The following ETFA variants were observed in gnomAD, a reference collection of about 807,000 sequenced individuals.
ETFA encodes the protein electron transfer flavoprotein subunit alpha, mitochondrial.
A neutral mutation model predicts 46.2 loss-of-function variants in ETFA; 22 were observed. The ratio of observed to expected loss-of-function variants is 0.48; its 90% CI spans 0.34 to 0.68. The LOEUF (loss-of-function observed/expected upper bound fraction) is 0.68, where lower values mean the gene tolerates loss of function less well. Ranked by LOEUF, ETFA falls within the 30% of genes least tolerant of loss-of-function variation. The probability of loss-of-function intolerance (pLI) is 0.01; values close to 1 mark genes in which losing one functional copy is unlikely to be tolerated. For synonymous variants in ETFA, 131 were observed against 139.9 expected (o/e 0.94, Z 0.45); for missense variants, 345 against 401.1 (o/e 0.86, Z 1.19).
intron 8 of ETFA, among the ~76,000 whole-genome samples, chr15:76,276,742 A>G (rs1398137724): frequency 2.0e-5 from 3 of 152,186 alleles, no homozygotes; most frequent in Non-Finnish European, 4.4e-5. Context: ...CAGTCTACTA[A>G]GAAGTCCTTA....
intron 9 of ETFA, among the ~76,000 whole-genome samples, chr15:76,251,530 A>C (rs1006548142): frequency 5.3e-5 from 8 of 152,194 alleles, no homozygotes; most frequent in African/African-American, 1.9e-4. Context: ...ATTTGTAGAG[A>C]TCTGGGGCTA....
At chr15:76,283,910 A>C in intron 7 of ETFA, 85 bp from the exon 8 acceptor site, 4 of 919,022 alleles carry the variant, frequency 4.4e-6, no homozygotes, top group South Asian at 4.3e-5. Context: ...ACTGGAGTAA[A>C]TTTTCATATT....
intron 8 of ETFA, among the ~76,000 whole-genome samples, chr15:76,278,809 C>T (rs546484781): frequency 1.3e-5 from 2 of 152,202 alleles, no homozygotes; most frequent in Non-Finnish European, 2.9e-5. Flanking sequence ...TACCCACCAC[C>T]TGCAGCTATG....
intron 9 of ETFA, among the ~76,000 whole-genome samples, chr15:76,255,565 CATGAAT>C (rs1414424952): frequency 1.3e-5 from 2 of 152,172 alleles, no homozygotes; most frequent in South Asian, 2.1e-4. Context: ...TAGCTGTAAA[CATGAAT>C]ATGAAGATAA....
rs2038904165 is a variant in ETFA at position 76,217,056 on chromosome 15, A to T, written c.964-459T>A. Among the ~76,000 whole-genome samples the T allele has an allele frequency of 5.9e-5, 9 of 151,844 alleles. No individual in the cohort carries two copies. The South Asian group carries it at 1.9e-3, about 32-fold the overall frequency. On this transcript the variant is annotated intron_variant, in intron 11 of 11. Transcript: ENST00000557943. Reference sequence around the variant, plus strand: ...AGTCTCGAACTCCTGGGCTCAAGTGATCTGCCTGCCTCAGCCTCCCAAAGT... The same window carrying T: ...AGTCTCGAACTCCTGGGCTCAAGTGTTCTGCCTGCCTCAGCCTCCCAAAGT...
intron 5 of ETFA, among the ~76,000 whole-genome samples, chr15:76,287,099 C>G (rs991595342): frequency 1.3e-5 from 2 of 152,220 alleles, no homozygotes; most frequent in Non-Finnish European, 2.9e-5. Flanking sequence ...AGTTCACTGC[C>G]TTCTCCGACC....
chr15:76,279,735 T>A (rs931270220), intron 8 of ETFA, among the ~76,000 whole-genome samples: 11 of 151,910 alleles, frequency 7.2e-5, no homozygotes, highest in African/African-American at 2.7e-4. Flanking sequence ...AGTTGATCAA[T>A]TTTTTCCCCC....
chr15:76,229,839 G>A (rs560863474), intron 10 of ETFA, among the ~76,000 whole-genome samples: 1 of 152,284 alleles, frequency 6.6e-6, no homozygotes, highest in South Asian at 2.1e-4. Context: ...ATAAATGCAG[G>A]AATGTCAGAG....
At chr15:76,230,542 G>T (rs544579388) in intron 10 of ETFA, 1 of 63,136 alleles carries the variant, frequency 1.6e-5, no homozygotes, top group Non-Finnish European at 3.1e-5. Flanking sequence ...TCCGCCTCCC[G>T]GTTCACGCCA....
rs1803553 is a variant in ETFA, at chr15:76,274,456, G to T, written c.772C>A (p.Pro258Thr). Residue 258 changes from proline to threonine, a missense_variant, in exon 9 of 12, where the codon CCC becomes ACC. Coordinates refer to ENST00000557943, the MANE Select transcript of ETFA (RefSeq NM_000126.4). ...SRAAVDAGFV[P>T]NDMQVGQTGK... ...GTCTGTCCAACTTGCATGTCATTGG[G>T]AACAAAGCCAGCATCAACAGCAGCA... 1 of 1,611,378 alleles carries T rather than the reference G, an allele frequency of 6.2e-7. No individual in the cohort carries two copies. The highest frequency in any genetic ancestry group is 1.7e-5 in the Admixed American group (1 of 59,804).
In ETFA at chr15:76,292,487, T is replaced by G; in HGVS notation, c.295A>C (p.Thr99Pro). 1.9e-6 allele frequency: 3 copies of G among 1,613,900 alleles called. No individual in the cohort carries two copies. The highest frequency in any genetic ancestry group is 2.5e-6 in the Non-Finnish European group (3 of 1,179,750). ...TGTGTGTAATTGAACTGCTTCTGAG[T>G]TGCCAAAATCAATGGTGTCAGTTCC... ...PEELTPLILA[T>P]QKQFNYTHIC... The change falls in exon 4 of 12, where the codon ACT (threonine) becomes CCT (proline). Residue 99 changes from threonine to proline, a missense_variant. Coordinates refer to ENST00000557943, the MANE Select transcript of ETFA (RefSeq NM_000126.4).
At chr15:76,235,758 T>C (rs1441679666) in intron 9 of ETFA, among the ~76,000 whole-genome samples, 1 of 152,190 alleles carries the variant, frequency 6.6e-6, no homozygotes, top group East Asian at 1.9e-4. Flanking sequence ...AGCCCCTCAC[T>C]TTCCTACCTG....
chr15:76,240,070 C>A (rs117169538), intron 9 of ETFA, among the ~76,000 whole-genome samples: 1,757 of 152,270 alleles, frequency 0.012, 18 homozygotes, highest in Non-Finnish European at 0.018. Flanking sequence ...GATGATGTTT[C>A]TTTCTTTTAA....
intron 9 of ETFA, among the ~76,000 whole-genome samples, chr15:76,246,758 G>A (rs538910001): frequency 2.6e-5 from 4 of 151,990 alleles, no homozygotes; most frequent in South Asian, 2.1e-4. Context: ...GCATGAACCC[G>A]GGAGGTGGAG....
At chr15:76,262,474 C>CCTTTTTTTTTTTTTT (rs1288079854) in intron 9 of ETFA, among the ~76,000 whole-genome samples, 1 of 84,688 alleles carries the variant, frequency 1.2e-5, no homozygotes. Flanking sequence ...ATCAAACCCC[C>CCTTTTTTTTTTTTTT]TTTTTTTTTT....
At chr15:76,295,805 CTAAT>C in intron 1 of ETFA, 68 bp from the exon 2 acceptor site, 1 of 900,966 alleles carries the variant, frequency 1.1e-6, no homozygotes, top group Non-Finnish European at 1.7e-6. Flanking sequence ...TTTTTTTTTA[CTAAT>C]TGTTAAGCAT....
intron 11 of ETFA, among the ~76,000 whole-genome samples, chr15:76,224,791 A>C (rs751048607): frequency 2.0e-5 from 3 of 152,226 alleles, no homozygotes; most frequent in Non-Finnish European, 2.9e-5. Context: ...TGATTTCTGC[A>C]TAAGATAACC....
In ETFA at chr15:76,216,398, C is replaced by G. The variant is rs2038896267; in HGVS notation, c.*161G>C. 2 of 598,830 alleles carry G rather than the reference C, an allele frequency of 3.3e-6. No homozygotes were observed. The highest frequency in any genetic ancestry group is 5.9e-6 in the Non-Finnish European group (2 of 336,898). The allele number at this position is 598,830 out of a possible 1,614,324, so 37.1% of individuals were successfully genotyped here. A position where few individuals can be genotyped will look rare whatever the true frequency, so the allele number is the denominator to read the frequency against. The stretch of plus-strand genomic sequence containing the variant: ...CACAAATAATTAAAAGGAAACACAG[C>G]AATCCCATAAACAAGCATTCTGGCA... On this transcript the variant is annotated 3_prime_UTR_variant, in exon 12 of 12. Coordinates refer to ENST00000557943, the MANE Select transcript of ETFA (RefSeq NM_000126.4).
chr15:76,287,736 G>A (rs1252218894), intron 5 of ETFA, 110 bp downstream of exon 5: 3 of 829,790 alleles, frequency 3.6e-6, no homozygotes, highest in Non-Finnish European at 5.9e-6. Flanking sequence ...CTTTAAGATG[G>A]TCCACTTAAA....
Sources: gnomAD v4.1 joint callset for allele counts (sites outside exome capture counted in the v4.1 genomes callset) on GRCh38, gnomAD v4.1.1 for gene constraint, MANE v1.5 for transcripts, NCBI Gene and HGNC (gene_info 2026-07-23, HGNC 2026-07-21) for gene names.